Variants in TTN observed in about 807,000 individuals in gnomAD.
TTN encodes the protein connectin.
In TTN, 1,525 loss-of-function variants were observed where a neutral mutation model predicts 3,223.0. That is an observed-to-expected ratio of 0.47 (90% CI 0.45 to 0.49). The LOEUF is 0.49. Among genes scored for constraint, TTN ranks in the 20% least tolerant of loss-of-function variants. The pLI is 0.00. For missense variants in TTN, 40,786 were observed against 43,424.0 expected (o/e 0.94, Z 5.40); for synonymous variants, 14,094 against 15,161.0 (o/e 0.93, Z 5.17).
At position 178,604,895 on chromosome 2, in the gene TTN, C is replaced by T. The variant is rs375895183; in HGVS notation, c.54194G>A (p.Arg18065His). 9.2e-5 allele frequency: 148 copies of T among 1,610,054 alleles called. No individual in the cohort carries two copies. The highest frequency in any genetic ancestry group is 2.0e-4 in the East Asian group (9 of 44,618). The change falls in exon 281 of 363, where the codon CGC becomes CAC. Residue 18065 changes from arginine to histidine, a missense_variant. By Grantham distance (29) the Arg-to-His change is conservative (BLOSUM62 0). Transcript: ENST00000589042. ...FRNVHVEVYD[R>H]PSPPRNLAVT... is the part of the protein sequence containing the mutation. ...AGCAAGATTTCTTGGTGGGGATGGG[C>T]GGTCTGGAAAGGAATCAACAGAGAA...
rs1294808969 is a variant in TTN, at chr2:178,557,026, G to T, written c.88128C>A (p.Asp29376Glu). 1.2e-6 allele frequency: 2 copies of T among 1,613,766 alleles called. No individual in the cohort carries two copies. Among genetic ancestry groups the T allele is most frequent in the Non-Finnish European group, 1.7e-6 (2 of 1,179,822 alleles). Residue 29376 changes from aspartate to glutamate, a missense_variant, in exon 330 of 363, where the codon GAC becomes GAA. Coordinates refer to ENST00000589042, the MANE Select transcript of TTN (RefSeq NM_001267550.2). ...KITGYIVERR[D>E]LPDGRWTKAS... ...CCTTGGTCCATCTGCCATCTGGAAGGTCACGTCTCTCAACAATGTAGCCTG... is the reference window on the plus strand; with the variant it reads ...CCTTGGTCCATCTGCCATCTGGAAGTTCACGTCTCTCAACAATGTAGCCTG...
intron 48 of TTN, 72 bp from the exon 49 acceptor site, chr2:178,738,432 T>A: frequency 6.7e-7 from 1 of 1,490,608 alleles, no homozygotes; most frequent in Non-Finnish European, 9.0e-7. Flanking sequence ...TTCTTCTAAC[T>A]TTTGTTGCTG....
At chr2:178,676,514 G>A (rs1338071139) in intron 147 of TTN, among the ~76,000 whole-genome samples, 1 of 151,830 alleles carries the variant, frequency 6.6e-6, no homozygotes, top group Non-Finnish European at 1.5e-5. Flanking sequence ...TGAGCTGATT[G>A]AATATGTTAA....
Position 178,780,029 on chromosome 2 carries a change from C to T in TTN, c.3700G>A (p.Val1234Ile). The change falls in exon 22 of 363, where the codon GTA becomes ATA. Residue 1234 changes from valine (V) to isoleucine (I), a missense_variant. Coordinates refer to ENST00000589042, the MANE Select transcript of TTN (RefSeq NM_001267550.2). ...LIRKKMAKDT[V>I]VVRTYVEDQE... The stretch of plus-strand genomic sequence containing the variant: ...TCTTCTACATAAGTTCTGACCACTA[C>T]AGTATCTTTGGCCATTTTCTTCCTA... The T allele has an allele frequency of 6.2e-7, 1 of 1,613,100 alleles. No individual in the cohort carries two copies. The highest frequency in any genetic ancestry group is 1.1e-5 in the South Asian group (1 of 91,048).
At chr2:178,757,231 T>TACTGTACTTACTTTACGTA (rs1252574568) in intron 45 of TTN, among the ~76,000 whole-genome samples, 1 of 148,874 alleles carries the variant, frequency 6.7e-6, no homozygotes, top group Non-Finnish European at 1.5e-5. Context: ...TAAGTAATAA[T>TACTGTACTTACTTTACGTA]CAGCAAATAG....
chr2:178,537,405 A>G lies in TTN; in HGVS notation c.99802T>C (p.Tyr33268His). ...AAAACATTGCTGAGCTGGACTTTGT[A>G]TTTCCCAGCATGAGTCTTACGTTGG... Reference protein sequence around the residue: ...NVQRKTHAGKYKVQLSNVFGT... With the variant: ...NVQRKTHAGKHKVQLSNVFGT... Residue 33268 changes from tyrosine (Y) to histidine (H), a missense_variant, in exon 355 of 363, where the codon TAC (tyrosine) becomes CAC (histidine). By Grantham distance (83) the Tyr-to-His change is moderately conservative. Coordinates refer to ENST00000589042, the MANE Select transcript of TTN (RefSeq NM_001267550.2). 1 of 1,608,630 alleles carries G rather than the reference A, an allele frequency of 6.2e-7. No individual in the cohort carries two copies. Among genetic ancestry groups the G allele is most frequent in the Non-Finnish European group, 8.5e-7 (1 of 1,176,108 alleles).
chr2:178,584,672 A>C lies in TTN; in HGVS notation c.64969T>G (p.Phe21657Val), dbSNP rs775914550. Residue 21657 changes from phenylalanine to valine, a missense_variant, in exon 310 of 363, where the codon TTT becomes GTT. Coordinates refer to ENST00000589042, the MANE Select transcript of TTN (RefSeq NM_001267550.2). ...TSPKMVAQFPFGVPSEPKNAR... is the reference protein window; with the variant it reads ...TSPKMVAQFPVGVPSEPKNAR... ...TTTCTCCTTCACAAAAACATACCAA[A>C]TGGGAACTGCGCAACCATCTTTGGA... is the stretch of plus-strand genomic sequence containing the variant. 6.2e-7 allele frequency: 1 copy of C among 1,613,108 alleles called. No homozygotes were observed. The highest frequency in any genetic ancestry group is 1.1e-5 in the South Asian group (1 of 90,946).
chr2:178,686,094 C>G (rs970218305), intron 127 of TTN, among the ~76,000 whole-genome samples: 4 of 146,776 alleles, frequency 2.7e-5, no homozygotes, highest in African/African-American at 1.0e-4. Context: ...ATTTTTGAGC[C>G]TAAGTGTATA....
At position 178,577,821 on chromosome 2, in the gene TTN, C is replaced by T. The variant is rs876658078; in HGVS notation, c.68605G>A (p.Gly22869Ser). ...TLIWTEPKYD[G>S]GHKLTGYIVE... ...ATATATCCAGTTAACTTATGACCAC[C>T]GTCATATTTAGGTTCAGTCCAAATG... Residue 22869 changes from glycine (G) to serine (S), a missense_variant, in exon 323 of 363, where the codon GGT (glycine) becomes AGT (serine). Transcript: ENST00000589042. 1.6e-5 allele frequency: 25 copies of T among 1,611,270 alleles called. No homozygotes were observed. The African/African-American group carries it at 2.4e-4, about 16-fold the overall frequency.
In TTN at chr2:178,702,580, A is replaced by G; in HGVS notation, c.30307T>C (p.Phe10103Leu). 1 of 1,613,998 alleles carries G rather than the reference A, an allele frequency of 6.2e-7. No individual in the cohort carries two copies. Among genetic ancestry groups the G allele is most frequent in the Non-Finnish European group, 8.5e-7 (1 of 1,179,892 alleles). Residue 10103 changes from phenylalanine (F) to leucine (L), a missense_variant, in exon 107 of 363, where the codon TTT becomes CTT. Coordinates refer to ENST00000589042, the MANE Select transcript of TTN (RefSeq NM_001267550.2). ...QSATFECEVS[F>L]DDAIVTWYKG... The stretch of plus-strand genomic sequence containing the variant: ...TACCATGTTACAATGGCATCATCAA[A>G]GGACACTTCACACTCAAAGGTGGCA...
At position 178,684,726 on chromosome 2, in the gene TTN, C is replaced by G; in HGVS notation, c.32578G>C (p.Val10860Leu). The change falls in exon 131 of 363, where the codon GTT (valine) becomes CTT (leucine). Residue 10860 changes from valine (V) to leucine (L), a missense_variant. Coordinates refer to ENST00000589042, the MANE Select transcript of TTN (RefSeq NM_001267550.2). ...PKVPEEPKKPVPEKKVPPKVI... is the reference protein window; with the variant it reads ...PKVPEEPKKPLPEKKVPPKVI... ...TTTGGAGGAACCTTTTTTTCTGGAA[C>G]TGGTTTCTTTGGCTCTTCTGGCACT... The G allele has an allele frequency of 6.2e-7, 1 of 1,613,062 alleles. No homozygotes were observed. Among genetic ancestry groups the G allele is most frequent in the South Asian group, 1.1e-5 (1 of 90,962 alleles).
At position 178,557,265 on chromosome 2, in the gene TTN, T is replaced by C. The variant is rs1701876010; in HGVS notation, c.87997A>G (p.Ile29333Val). ...PSHPSEPVLAIDACEPPRNVR... is the reference protein window; with the variant it reads ...PSHPSEPVLAVDACEPPRNVR... ...GACAAATACGTACCACAAGCATCAATTGCCAAGACTGGTTCAGAAGGATGG... is the reference window on the plus strand; with the variant it reads ...GACAAATACGTACCACAAGCATCAACTGCCAAGACTGGTTCAGAAGGATGG... Residue 29333 changes from isoleucine to valine, a missense_variant, in exon 329 of 363, where the codon ATT becomes GTT. Physicochemically the swap from Ile to Val is conservative, Grantham distance 29 (BLOSUM62 3). Coordinates refer to ENST00000589042, the MANE Select transcript of TTN (RefSeq NM_001267550.2). The C allele has an allele frequency of 4.3e-6, 7 of 1,613,874 alleles. No individual in the cohort carries two copies. The highest frequency in any genetic ancestry group is 5.1e-6 in the Non-Finnish European group (6 of 1,179,850).
chr2:178,599,108 A>G (rs1576243798), intron 290 of TTN, 38 bp downstream of exon 290: 1 of 1,507,944 alleles, frequency 6.6e-7, no homozygotes, highest in Middle Eastern at 1.8e-4. Flanking sequence ...AAAAAAAAGT[A>G]AAAATGGCTT....
At position 178,563,766 on chromosome 2, in the gene TTN, A is replaced by G. The variant is rs2154161643; in HGVS notation, c.82366T>C (p.Leu27456=). The G allele has an allele frequency of 6.2e-7, 1 of 1,613,714 alleles. No homozygotes were observed. The highest frequency in any genetic ancestry group is 8.5e-7 in the Non-Finnish European group (1 of 1,179,740). ...AVNKYGIGEP[L]ESGPVTACNP... Reference sequence around the variant, plus strand: ...CAGGCCGTAACAGGCCCAGATTCCAAGGGCTCTCCAATTCCATATTTATTC... The same window carrying G: ...CAGGCCGTAACAGGCCCAGATTCCAGGGGCTCTCCAATTCCATATTTATTC... The change falls in exon 326 of 363, where the codon TTG becomes CTG. Residue 27456 remains leucine (L), a synonymous_variant. Transcript: ENST00000589042. This position sits in a 1 kb window ranked among gnomAD's most constrained non-coding sequence, Gnocchi z 4.5.
chr2:178,719,856 T>C (rs375726448), intron 81 of TTN, 24 bp from the exon 82 acceptor site: 54 of 1,586,928 alleles, frequency 3.4e-5, no homozygotes, highest in Non-Finnish European at 4.4e-5. Flanking sequence ...TATTTTGCAT[T>C]GAAAACAAAG....
chr2:178,601,952 C>T lies in TTN; in HGVS notation c.55270-38G>A, dbSNP rs201531806. 7,607 of 1,612,576 alleles carry T rather than the reference C, an allele frequency of 4.7e-3. 32 individuals are homozygous for T. The highest frequency in any genetic ancestry group is 0.012 in the South Asian group (1,070 of 90,988). On this transcript the variant is annotated intron_variant, in intron 284 of 362. Coordinates refer to ENST00000589042, the MANE Select transcript of TTN (RefSeq NM_001267550.2). ...GAGACAGTCAGTTGTAGTATAAATA[C>T]TCCTTATAGTGATTCAGTGGAAAAA...
At chr2:178,705,772 T>C (rs755663775) in intron 102 of TTN, among the ~76,000 whole-genome samples, 1 of 152,168 alleles carries the variant, frequency 6.6e-6, no homozygotes, top group Non-Finnish European at 1.5e-5. Flanking sequence ...TTAATAATTA[T>C]GTTGAAAAAT....
chr2:178,546,398 G>C lies in TTN; in HGVS notation c.94933C>G (p.Pro31645Ala). The stretch of plus-strand genomic sequence containing the variant: ...TCTCCTTTGGTCCAGATAATTTTGG[G>C]TTCAGGTTTGCCACCAACTGCAGCA... The part of the protein sequence containing the change: ...LDAAVGGKPE[P>A]KIIWTKGDKE... The change falls in exon 342 of 363, where the codon CCC becomes GCC. Residue 31645 changes from proline to alanine, a missense_variant. Transcript: ENST00000589042. 6.2e-7 allele frequency: 1 copy of C among 1,613,662 alleles called. No homozygotes were observed. Among genetic ancestry groups the C allele is most frequent in the Non-Finnish European group, 8.5e-7 (1 of 1,179,732 alleles).
In TTN at chr2:178,684,078, T is replaced by A. The variant is rs756675105; in HGVS notation, c.32727A>T (p.Pro10909=). The change falls in exon 133 of 363, where the codon CCA becomes CCT. Residue 10909 remains proline (P), a synonymous_variant. Coordinates refer to ENST00000589042, the MANE Select transcript of TTN (RefSeq NM_001267550.2). ...CTGGGACAGCTCTCTTCGGTTCCTC[T>A]GGCACTTTAAAGAGAGATTTCACTT... ...KKEAPPKARV[P]EEPKRAVPEE... is the part of the protein sequence containing the mutation. 6.2e-7 allele frequency: 1 copy of A among 1,612,680 alleles called. No individual in the cohort carries two copies. The highest frequency in any genetic ancestry group is 1.7e-5 in the Admixed American group (1 of 59,914).
Sources: allele counts gnomAD v4.1 joint callset (sites outside exome capture counted in the v4.1 genomes callset), GRCh38; gene constraint gnomAD v4.1.1; non-coding constraint Gnocchi (gnomAD v3.1); transcripts MANE v1.5; gene names NCBI Gene and HGNC (gene_info 2026-07-23, HGNC 2026-07-21).